B4GALNT3: variants seen among roughly 807,000 people sequenced by gnomAD.
B4GALNT3 encodes the protein beta-1,4-N-acetylgalactosaminyltransferase 3.
B4GALNT3 carries 86 observed loss-of-function variants against 120.2 expected under a neutral mutation model. The observed-to-expected ratio is 0.72, with a 90% CI of 0.60 to 0.86. B4GALNT3 has a LOEUF of 0.86. Ranked by LOEUF, B4GALNT3 falls within the 40% of genes least tolerant of loss-of-function variation. The probability of loss-of-function intolerance (pLI) is 0.00; values close to 1 mark genes in which losing one functional copy is unlikely to be tolerated. For synonymous variants in B4GALNT3, 518 were observed against 510.4 expected (o/e 1.01, Z -0.20); for missense variants, 1,167 against 1,298.9 (o/e 0.90, Z 1.56).
At chr12:505,814 G>C (rs538396181) in intron 1 of B4GALNT3, among the ~76,000 whole-genome samples, 1 of 152,290 alleles carries the variant, frequency 6.6e-6, no homozygotes, top group South Asian at 2.1e-4. Flanking sequence ...GGAGTTGGGG[G>C]AGGAGACTGA....
chr12:511,273 TCGA>T, intron 1 of B4GALNT3, among the ~76,000 whole-genome samples: 1 of 148,018 alleles, frequency 6.8e-6, no homozygotes, highest in Non-Finnish European at 1.5e-5. Flanking sequence ...CCTTCCACCT[TCGA>T]CCTTCTTCCA....
chr12:488,238 C>T (rs1946309485), intron 1 of B4GALNT3, among the ~76,000 whole-genome samples: 1 of 151,504 alleles, frequency 6.6e-6, no homozygotes, highest in Non-Finnish European at 1.5e-5. Context: ...CTCAGACAAA[C>T]AAAAATTGAG....
chr12:474,376 A>G (rs6489544), intron 1 of B4GALNT3, among the ~76,000 whole-genome samples: 137,343 of 151,962 alleles, frequency 0.9, 62,644 homozygotes, highest in Non-Finnish European at 0.97. Context: ...GTCCATTAGT[A>G]CACTTATCAA....
chr12:552,943 C>A, intron 13 of B4GALNT3: 1 of 548,966 alleles, frequency 1.8e-6, no homozygotes, highest in East Asian at 3.1e-5. Flanking sequence ...GCATGTGATG[C>A]CGTTTATCTC....
At chr12:506,748 T>C (rs902761579) in intron 1 of B4GALNT3, among the ~76,000 whole-genome samples, 6 of 152,218 alleles carry the variant, frequency 3.9e-5, no homozygotes, top group Admixed American at 6.5e-5. Flanking sequence ...GCCATTCTCC[T>C]GCCTCAGCCT....
At chr12:544,088 G>A (rs966967244) in intron 3 of B4GALNT3, among the ~76,000 whole-genome samples, 1 of 125,638 alleles carries the variant, frequency 8.0e-6, no homozygotes, top group African/African-American at 3.1e-5. Flanking sequence ...GCGGGCATGG[G>A]GTGCTCATCT....
intron 16 of B4GALNT3, 122 bp from the exon 17 acceptor site, chr12:557,894 G>A: frequency 6.8e-7 from 1 of 1,462,124 alleles, no homozygotes. Context: ...TTCCCAGAGG[G>A]CTCACCTGCC....
intron 1 of B4GALNT3, among the ~76,000 whole-genome samples, chr12:487,886 G>A (rs980820320): frequency 1.3e-5 from 2 of 152,158 alleles, no homozygotes; most frequent in African/African-American, 2.4e-5. Flanking sequence ...AGGAGGCTGA[G>A]GCTGCAGTGA....
intron 13 of B4GALNT3, chr12:552,779 A>G: frequency 1.8e-6 from 1 of 540,892 alleles, no homozygotes; most frequent in Non-Finnish European, 3.3e-6. Context: ...AGCCCGGGGG[A>G]GGTTACTTGG....
chr12:561,222 T>C (rs1947227793), intron 19 of B4GALNT3, 121 bp from the exon 20 acceptor site: 5 of 697,484 alleles, frequency 7.2e-6, no homozygotes, highest in South Asian at 5.3e-5. Context: ...CCCACAGCCG[T>C]CCACTGCACC....
chr12:512,200 A>G (rs1422617651), intron 1 of B4GALNT3, among the ~76,000 whole-genome samples: 70 of 40,116 alleles, frequency 1.7e-3, no homozygotes, highest in Middle Eastern at 0.016. Context: ...TCCGCCTTCC[A>G]CCTTCCACCT....
intron 1 of B4GALNT3, among the ~76,000 whole-genome samples, chr12:531,487 AT>A (rs879352072): frequency 1.4e-4 from 21 of 149,556 alleles, no homozygotes; most frequent in South Asian, 8.5e-4. Flanking sequence ...CATCTCTAAA[AT>A]TTTTTTTTTT....
intron 1 of B4GALNT3, among the ~76,000 whole-genome samples, chr12:468,113 CTACTT>C (rs1946099637): frequency 6.6e-6 from 1 of 152,118 alleles, no homozygotes; most frequent in African/African-American, 2.4e-5. Context: ...TCATTGTAAA[CTACTT>C]TAGTTTTTCC....
chr12:468,092 A>T (rs1310623465), intron 1 of B4GALNT3, among the ~76,000 whole-genome samples: 1 of 152,160 alleles, frequency 6.6e-6, no homozygotes, highest in Non-Finnish European at 1.5e-5. Flanking sequence ...ATGTCATCTT[A>T]TCTTATATGG....
chr12:552,217 G>T (rs373801064), intron 12 of B4GALNT3, 54 bp downstream of exon 12: 2 of 1,476,312 alleles, frequency 1.4e-6, no homozygotes, highest in African/African-American at 2.8e-5. Flanking sequence ...CTCTGCGGGA[G>T]CCAGGAGAGC....
chr12:498,258 G>A (rs968047004), intron 1 of B4GALNT3, among the ~76,000 whole-genome samples: 3 of 152,078 alleles, frequency 2.0e-5, no homozygotes, highest in Admixed American at 2.0e-4. Context: ...TCCTGCCGCT[G>A]AGAGGTGATT....
intron 1 of B4GALNT3, among the ~76,000 whole-genome samples, chr12:475,511 G>A (rs977343085): frequency 4.6e-5 from 7 of 152,132 alleles, no homozygotes; most frequent in African/African-American, 1.7e-4. Context: ...GGCAGAACCG[G>A]AGGTGGGGTC....
intron 19 of B4GALNT3, among the ~76,000 whole-genome samples, chr12:560,304 G>A (rs1018810993): frequency 6.6e-6 from 1 of 152,140 alleles, no homozygotes; most frequent in African/African-American, 2.4e-5. Flanking sequence ...ACTTCTTCCC[G>A]AGAGGCAGGA....
chr12:489,176 G>C (rs1366550523), intron 1 of B4GALNT3, among the ~76,000 whole-genome samples: 1 of 150,426 alleles, frequency 6.6e-6, no homozygotes, highest in Non-Finnish European at 1.5e-5. Context: ...GTTGGGGTGG[G>C]GGGGCAAGGG....
Sources: gnomAD v4.1 joint callset for allele counts (sites outside exome capture counted in the v4.1 genomes callset) on GRCh38, gnomAD v4.1.1 for gene constraint, MANE v1.5 for transcripts, NCBI Gene and HGNC (gene_info 2026-07-23, HGNC 2026-07-21) for gene names.